Variants in FILIP1 observed in about 807,000 individuals in gnomAD.
FILIP1 encodes the protein filamin A interacting protein 1.
In FILIP1, 61 loss-of-function variants were observed where a neutral mutation model predicts 102.1. The ratio of observed to expected loss-of-function variants is 0.60; its 90% CI spans 0.49 to 0.74. The LOEUF (loss-of-function observed/expected upper bound fraction) is 0.74. Among genes scored for constraint, FILIP1 ranks in the 30% least tolerant of loss-of-function variants. The pLI, the probability that FILIP1 is intolerant of heterozygous loss-of-function variation, is 0.00. For synonymous variants in FILIP1, 491 were observed against 526.9 expected, an observed-to-expected ratio of 0.93 and a Z score of 0.93; for missense variants, 1,314 against 1,441.2, an observed-to-expected ratio of 0.91 and a Z score of 1.43.
At chr6:75,428,784 C>G (rs1164007549) in intron 1 of FILIP1, among the ~76,000 whole-genome samples, 1 of 152,184 alleles carries the variant, frequency 6.6e-6, no homozygotes, top group Non-Finnish European at 1.5e-5. Context: ...TGATGCCCAA[C>G]TGACCAAACC....
intron 4 of FILIP1, among the ~76,000 whole-genome samples, chr6:75,351,097 G>A (rs540460265): frequency 2.6e-5 from 4 of 151,942 alleles, no homozygotes; most frequent in African/African-American, 7.2e-5. Context: ...ACAGAGTTTC[G>A]CTCTTGTTGC....
chr6:75,316,567 T>C (rs1347048318), intron 4 of FILIP1, among the ~76,000 whole-genome samples: 1 of 152,118 alleles, frequency 6.6e-6, no homozygotes, highest in African/African-American at 2.4e-5. Context: ...TAAAGCACAA[T>C]AGAAGCTATT....
chr6:75,356,158 G>T (rs1326758687), intron 3 of FILIP1, among the ~76,000 whole-genome samples: 2 of 152,260 alleles, frequency 1.3e-5, no homozygotes, highest in African/African-American at 2.4e-5. Flanking sequence ...GAAACCCCAC[G>T]GGGTAACTCC....
chr6:75,359,943 G>T (rs1775123017), intron 3 of FILIP1, among the ~76,000 whole-genome samples: 2 of 152,194 alleles, frequency 1.3e-5, no homozygotes, highest in African/African-American at 2.4e-5. Context: ...TACCTAAAAT[G>T]AGACCTAGGC....
intron 2 of FILIP1, among the ~76,000 whole-genome samples, chr6:75,371,149 C>A (rs1215488450): frequency 1.3e-5 from 2 of 152,100 alleles, no homozygotes; most frequent in African/African-American, 4.8e-5. Flanking sequence ...TAACAAGATT[C>A]ATAATACAAC....
chr6:75,355,020 C>A (rs748446064), intron 3 of FILIP1, among the ~76,000 whole-genome samples: 1 of 152,026 alleles, frequency 6.6e-6, no homozygotes, highest in Non-Finnish European at 1.5e-5. Context: ...AGAGGCCGGG[C>A]GCAAAGGCTC....
At chr6:75,392,489 T>C (rs1776306876) in intron 2 of FILIP1, among the ~76,000 whole-genome samples, 1 of 152,192 alleles carries the variant, frequency 6.6e-6, no homozygotes, top group Non-Finnish European at 1.5e-5. Flanking sequence ...GTCTTCTCCA[T>C]CTCAGTAAAT....
At chr6:75,330,120 C>T (rs1279538328) in intron 4 of FILIP1, among the ~76,000 whole-genome samples, 1 of 152,062 alleles carries the variant, frequency 6.6e-6, no homozygotes. Context: ...TTTTCTTCAT[C>T]GTGGATTTTT....
chr6:75,334,985 T>C (rs767182219), intron 4 of FILIP1, among the ~76,000 whole-genome samples: 19 of 152,092 alleles, frequency 1.2e-4, no homozygotes, highest in South Asian at 2.1e-4. Flanking sequence ...GGGAAATGCA[T>C]TGGGAGAGGG....
intron 1 of FILIP1, among the ~76,000 whole-genome samples, chr6:75,421,954 G>A (rs1215692675): frequency 6.6e-6 from 1 of 152,068 alleles, no homozygotes; most frequent in African/African-American, 2.4e-5. Context: ...ATCTTACAGC[G>A]TGGGTATTAC....
chr6:75,349,524 G>A (rs920346336), intron 4 of FILIP1, among the ~76,000 whole-genome samples: 2 of 152,224 alleles, frequency 1.3e-5, no homozygotes, highest in African/African-American at 4.8e-5. Flanking sequence ...GAAACAAAGG[G>A]AAGCATTTCC....
At chr6:75,367,405 G>T (rs532209275) in intron 2 of FILIP1, 1 of 152,348 alleles carries the variant, frequency 6.6e-6, no homozygotes, top group East Asian at 1.9e-4. Context: ...GGAGGCCGAG[G>T]CAGGTGGATC....
intron 3 of FILIP1, chr6:75,358,182 T>A (rs1193618570): frequency 6.6e-6 from 1 of 152,146 alleles, no homozygotes; most frequent in Non-Finnish European, 1.5e-5. Flanking sequence ...ATGTTTTAGA[T>A]AAAAAGGCAT....
At chr6:75,372,658 A>G in intron 2 of FILIP1, among the ~76,000 whole-genome samples, 1 of 68,014 alleles carries the variant, frequency 1.5e-5, no homozygotes. Flanking sequence ...AGAAAGAAAG[A>G]AAGAAAGAAA....
intron 2 of FILIP1, among the ~76,000 whole-genome samples, chr6:75,369,500 T>A (rs534174066): frequency 7.2e-5 from 11 of 152,222 alleles, no homozygotes; most frequent in Non-Finnish European, 1.3e-4. Context: ...TAGCTTTTTT[T>A]AAAGGTACAA....
At chr6:75,455,467 A>G (rs1436442769) in intron 1 of FILIP1, among the ~76,000 whole-genome samples, 1 of 152,192 alleles carries the variant, frequency 6.6e-6, no homozygotes, top group Non-Finnish European at 1.5e-5. Context: ...AAAATAACTA[A>G]AGAAGAAAAA....
At chr6:75,447,859 G>A (rs73461761) in intron 1 of FILIP1, among the ~76,000 whole-genome samples, 1,558 of 152,042 alleles carry the variant, frequency 0.01, 41 homozygotes, top group African/African-American at 0.036. Flanking sequence ...ATACAAATCA[G>A]ACCTCTTTTC....
chr6:75,292,407 T>G (rs1307329889), exon 7 of FILIP1: 1 of 152,258 alleles, frequency 6.6e-6, no homozygotes, highest in Non-Finnish European at 1.5e-5. Flanking sequence ...TGTATCACGT[T>G]ATGGCATCGA....
In FILIP1 at chr6:75,353,632, G is replaced by T; in HGVS notation, c.536C>A (p.Thr179Asn). 6.2e-7 allele frequency: 1 copy of T among 1,614,150 alleles called. No individual in the cohort carries two copies. The highest frequency in any genetic ancestry group is 8.5e-7 in the Non-Finnish European group (1 of 1,180,036). Residue 179 changes from threonine to asparagine, a missense_variant, in exon 4 of 6, where the codon ACC (threonine) becomes AAC (asparagine). Thr to Asn is a moderately conservative substitution (Grantham distance 65, BLOSUM62 0). Coordinates refer to ENST00000237172, the MANE Select transcript of FILIP1 (RefSeq NM_015687.5). ...LLLAEKCHRRTVYELENEKHK... is the reference protein window; with the variant it reads ...LLLAEKCHRRNVYELENEKHK... Reference sequence around the variant, plus strand: ...CTTCTCGTTCTCTAACTCGTATACGGTGCGCCTATGACACTTCTCGGCCAG... The same window carrying T: ...CTTCTCGTTCTCTAACTCGTATACGTTGCGCCTATGACACTTCTCGGCCAG...
Sources: gnomAD v4.1 joint callset for allele counts (sites outside exome capture counted in the v4.1 genomes callset) on GRCh38, gnomAD v4.1.1 for gene constraint, MANE v1.5 for transcripts, NCBI Gene and HGNC (gene_info 2026-07-23, HGNC 2026-07-21) for gene names.